HMCN1: variants seen among roughly 807,000 people sequenced by gnomAD.
The protein encoded by HMCN1 is hemicentin 1.
Under a neutral mutation model 625.9 loss-of-function variants are expected in HMCN1, and 321 were observed. The observed-to-expected ratio is 0.51, with a 90% confidence interval of 0.47 to 0.56. The LOEUF is 0.56. Among genes scored for constraint, HMCN1 ranks in the 20% least tolerant of loss-of-function variants. The pLI is 0.00. For missense variants in HMCN1, 6,588 were observed against 6,887.3 expected (o/e 0.96, Z 1.54); for synonymous variants, 2,425 against 2,417.6 (o/e 1.00, Z -0.09).
intron 1 of HMCN1, among the ~76,000 whole-genome samples, chr1:185,737,000 G>T (rs1156572341): frequency 4.0e-4 from 61 of 152,152 alleles, no homozygotes; most frequent in Non-Finnish European, 2.2e-4. Flanking sequence ...AAATATTTTT[G>T]AAAATAAAGA....
At position 185,734,737 on chromosome 1, in the gene HMCN1, T is replaced by G; in HGVS notation, c.-43T>G. 6.2e-7 allele frequency: 1 copy of G among 1,605,254 alleles called. No homozygotes were observed. Among genetic ancestry groups the G allele is most frequent in the Non-Finnish European group, 8.5e-7 (1 of 1,173,190 alleles). ...TGTTGTTGAGGAGGACTGAGCACAG[T>G]GCTTAGGCGCTGAGGGGGAAAAAGA... On this transcript the variant is annotated 5_prime_UTR_variant, in exon 1 of 107. Coordinates refer to ENST00000271588, the MANE Select transcript of HMCN1 (RefSeq NM_031935.3).
chr1:185,961,751 A>C (rs140771012), intron 11 of HMCN1, among the ~76,000 whole-genome samples: 1 of 152,178 alleles, frequency 6.6e-6, no homozygotes, highest in African/African-American at 2.4e-5. Flanking sequence ...TTAGTGTTCC[A>C]TTTTCAAAAG....
chr1:185,769,393 G>A (rs1217461247), intron 1 of HMCN1, among the ~76,000 whole-genome samples: 1 of 152,128 alleles, frequency 6.6e-6, no homozygotes, highest in Non-Finnish European at 1.5e-5. Flanking sequence ...GGTGCAGTGA[G>A]CCATGACTGT....
At chr1:185,744,210 G>C (rs999220788) in intron 1 of HMCN1, among the ~76,000 whole-genome samples, 16 of 151,554 alleles carry the variant, frequency 1.1e-4, no homozygotes, top group African/African-American at 3.9e-4. Context: ...TCGCCAGGAT[G>C]GTCTCAATCT....
chr1:185,993,592 T>C (rs191448494), intron 23 of HMCN1, among the ~76,000 whole-genome samples: 8 of 152,216 alleles, frequency 5.3e-5, no homozygotes, highest in Admixed American at 2.0e-4. Context: ...TTATTGTTGA[T>C]ATACAGTAGA....
In HMCN1 at chr1:186,063,066, GCATA is replaced by G. The variant is rs1347084593; in HGVS notation, c.7513+467_7513+470del. Among the ~76,000 whole-genome samples the G allele has an allele frequency of 4.6e-3, 139 of 29,934 alleles. 1 individual carries two copies. The highest frequency in any genetic ancestry group is 0.019 in the African/African-American group (107 of 5,518). 19.6% of individuals were successfully genotyped at this position (29,934 alleles called of 152,430 possible). Reference sequence around the variant, plus strand: ...TGTGTGTGTGTGTGTGTGTGTGTGTGCATATATATATATATATATATATATATAT... The same window carrying G: ...TGTGTGTGTGTGTGTGTGTGTGTGTGTATATATATATATATATATATATAT... On this transcript the variant is annotated intron_variant, in intron 48 of 106. Transcript: ENST00000271588.
At chr1:185,949,408 C>T (rs965285996) in intron 11 of HMCN1, among the ~76,000 whole-genome samples, 12 of 151,800 alleles carry the variant, frequency 7.9e-5, no homozygotes, top group Non-Finnish European at 1.6e-4. Flanking sequence ...CTGTAGCATT[C>T]CGAGAACAGG....
At chr1:185,971,322 A>C (rs1190303827) in intron 15 of HMCN1, among the ~76,000 whole-genome samples, 1 of 152,250 alleles carries the variant, frequency 6.6e-6, no homozygotes, top group Non-Finnish European at 1.5e-5. Context: ...AAAAAATGTC[A>C]ATCATAAAAT....
chr1:185,843,879 G>A (rs1661643153), intron 1 of HMCN1, among the ~76,000 whole-genome samples: 1 of 152,082 alleles, frequency 6.6e-6, no homozygotes, highest in Non-Finnish European at 1.5e-5. Flanking sequence ...TGAAATGAAG[G>A]CTTATCGGTC....
chr1:185,857,429 A>G (rs916510227), intron 2 of HMCN1, among the ~76,000 whole-genome samples: 9 of 152,026 alleles, frequency 5.9e-5, no homozygotes, highest in African/African-American at 2.2e-4. Flanking sequence ...GTCTAATTCT[A>G]TGCATTATAC....
chr1:186,051,778 A>G (rs1656968508), intron 42 of HMCN1, among the ~76,000 whole-genome samples: 1 of 152,058 alleles, frequency 6.6e-6, no homozygotes, highest in African/African-American at 2.4e-5. Flanking sequence ...ACAGAAGAAT[A>G]GGCAGCTGGA....
intron 18 of HMCN1, among the ~76,000 whole-genome samples, chr1:185,982,832 A>G (rs1000685616): frequency 1.3e-5 from 2 of 152,108 alleles, no homozygotes; most frequent in African/African-American, 2.4e-5. Flanking sequence ...TTTTATAAGT[A>G]TATCAAAGCT....
At chr1:185,893,203 C>T (rs1190622523) in intron 4 of HMCN1, among the ~76,000 whole-genome samples, 2 of 152,230 alleles carry the variant, frequency 1.3e-5, no homozygotes, top group South Asian at 4.1e-4. Flanking sequence ...GACCTGTGCC[C>T]ACTGTCTGGC....
chr1:185,926,369 C>T (rs1667277968), intron 9 of HMCN1, among the ~76,000 whole-genome samples: 1 of 152,102 alleles, frequency 6.6e-6, no homozygotes, highest in Admixed American at 6.5e-5. Flanking sequence ...ATTTCCTGCC[C>T]CTTACATAGT....
chr1:185,924,922 G>C (rs1667199158), intron 8 of HMCN1, 125 bp from the exon 9 acceptor site: 1 of 863,770 alleles, frequency 1.2e-6, no homozygotes, highest in Non-Finnish European at 1.9e-6. Flanking sequence ...GGGTTAATTG[G>C]AATGCAGAGG....
At chr1:186,125,911 AATC>A (rs1157568845) in intron 82 of HMCN1, 117 bp downstream of exon 82, 1 of 740,562 alleles carries the variant, frequency 1.4e-6, no homozygotes, top group Non-Finnish European at 2.2e-6. Flanking sequence ...ATTCTTGTAA[AATC>A]AGGTCACAAA....
chr1:186,039,602 C>G, intron 38 of HMCN1, 126 bp from the exon 39 acceptor site: 3 of 994,868 alleles, frequency 3.0e-6, no homozygotes, highest in Non-Finnish European at 4.8e-6. Flanking sequence ...TGTGAAAGAA[C>G]TTACCAAAAA....
intron 57 of HMCN1, among the ~76,000 whole-genome samples, chr1:186,085,392 A>G (rs561939092): frequency 1.1e-4 from 17 of 152,140 alleles, no homozygotes; most frequent in Non-Finnish European, 2.4e-4. Flanking sequence ...CTTTGTCTTC[A>G]TATGGCCTGA....
intron 6 of HMCN1, among the ~76,000 whole-genome samples, chr1:185,914,837 CTCTTTT>C (rs2102461444): frequency 6.6e-6 from 1 of 151,876 alleles, no homozygotes; most frequent in African/African-American, 2.4e-5. Flanking sequence ...TTTTCTCTGT[CTCTTTT>C]TCTATAGACC....
Sources: allele counts gnomAD v4.1 joint callset (sites outside exome capture counted in the v4.1 genomes callset), GRCh38; gene constraint gnomAD v4.1.1; transcripts MANE v1.5; gene names NCBI Gene and HGNC (gene_info 2026-07-23, HGNC 2026-07-21).